Variants in FGF10 observed in about 807,000 individuals in gnomAD.
FGF10 encodes FGF-10.
FGF10 carries 2 observed loss-of-function variants against 19.8 expected under a neutral mutation model. The ratio of observed to expected loss-of-function variants is 0.10; its 90% CI spans 0.04 to 0.32. The LOEUF is 0.32. Ranked by LOEUF, FGF10 falls within the 10% of genes least tolerant of loss-of-function variation. The pLI is 1.00. For synonymous variants in FGF10, 112 were observed against 94.0 expected (o/e 1.19, Z -1.10); for missense variants, 191 against 246.3 (o/e 0.78, Z 1.50).
chr5:44,380,526 T>A (rs1741962588), intron 1 of FGF10, among the ~76,000 whole-genome samples: 1 of 152,186 alleles, frequency 6.6e-6, no homozygotes, highest in Admixed American at 6.5e-5. Flanking sequence ...TTAAAAAGTT[T>A]TATTGAGAAC....
intron 1 of FGF10, among the ~76,000 whole-genome samples, chr5:44,320,869 C>T (rs1280854859): frequency 1.3e-5 from 2 of 152,018 alleles, no homozygotes; most frequent in Non-Finnish European, 2.9e-5. Flanking sequence ...CATGTGCCGC[C>T]ATGCCTGATT....
intron 1 of FGF10, among the ~76,000 whole-genome samples, chr5:44,359,932 C>G (rs1161829442): frequency 6.6e-6 from 1 of 151,536 alleles, no homozygotes. Context: ...AATATGTGAT[C>G]CAGGGTTAGT....
chr5:44,346,230 C>A (rs1283815353), intron 1 of FGF10, among the ~76,000 whole-genome samples: 1 of 151,780 alleles, frequency 6.6e-6, no homozygotes, highest in Non-Finnish European at 1.5e-5. Flanking sequence ...TCCAAAATGT[C>A]TTGACTCTTT....
chr5:44,326,581 T>C (rs1740620609), intron 1 of FGF10, among the ~76,000 whole-genome samples: 2 of 151,604 alleles, frequency 1.3e-5, no homozygotes. Context: ...TTTTTTTTAA[T>C]ATTGTTTGTA....
At chr5:44,385,234 C>T (rs528326624) in intron 1 of FGF10, among the ~76,000 whole-genome samples, 14 of 152,172 alleles carry the variant, frequency 9.2e-5, no homozygotes, top group Admixed American at 7.9e-4. Flanking sequence ...CATATCATGG[C>T]AAAGAAGCAA....
chr5:44,355,059 T>C (rs939309644), intron 1 of FGF10, among the ~76,000 whole-genome samples: 4 of 151,498 alleles, frequency 2.6e-5, no homozygotes, highest in Admixed American at 2.0e-4. Flanking sequence ...AGTCTCTAAA[T>C]TATGTGTGCA....
Position 44,301,972 on chromosome 5 carries a change from C to T in FGF10, c.*3023G>A, listed in dbSNP as rs537439857. On this transcript the variant is annotated 3_prime_UTR_variant, in exon 3 of 3. Coordinates refer to ENST00000264664, the MANE Select transcript of FGF10 (RefSeq NM_004465.2). ...ATTCTATATCTTTATGAGGAGTATTCTCAGAACCAAAACTCAAATGGACAC... is the reference window on the plus strand; with the variant it reads ...ATTCTATATCTTTATGAGGAGTATTTTCAGAACCAAAACTCAAATGGACAC... Among the ~76,000 whole-genome samples, 1 of 152,172 alleles carries T rather than the reference C, an allele frequency of 6.6e-6. No individual in the cohort carries two copies. Among genetic ancestry groups the T allele is most frequent in the East Asian group, 1.9e-4 (1 of 5,176 alleles).
At chr5:44,387,426 T>C (rs974256420) in intron 1 of FGF10, among the ~76,000 whole-genome samples, 3 of 152,166 alleles carry the variant, frequency 2.0e-5, no homozygotes, top group Non-Finnish European at 2.9e-5. Context: ...TGTCACACTG[T>C]GGGATAAAAT....
intron 1 of FGF10, among the ~76,000 whole-genome samples, chr5:44,351,669 T>G (rs1741236691): frequency 6.6e-6 from 1 of 151,682 alleles, no homozygotes; most frequent in Admixed American, 6.6e-5. Flanking sequence ...ACTTCCAGAT[T>G]ACCTGTGACT....
At chr5:44,340,813 G>T (rs1380172974) in intron 1 of FGF10, among the ~76,000 whole-genome samples, 1 of 149,876 alleles carries the variant, frequency 6.7e-6, no homozygotes, top group Non-Finnish European at 1.5e-5. Flanking sequence ...GAATGTATGT[G>T]TTGTCCTTTG....
intron 1 of FGF10, among the ~76,000 whole-genome samples, chr5:44,328,212 A>C (rs1252879061): frequency 1.3e-5 from 2 of 152,172 alleles, no homozygotes; most frequent in African/African-American, 4.8e-5. Context: ...GCTAACTACT[A>C]AACAACGTAA....
At chr5:44,306,064 T>C (rs1740069126) in intron 2 of FGF10, among the ~76,000 whole-genome samples, 1 of 151,922 alleles carries the variant, frequency 6.6e-6, no homozygotes, top group Admixed American at 6.6e-5. Context: ...TACTCTGGAG[T>C]TAATAACAAA....
At position 44,304,855 on chromosome 5, in the gene FGF10, T is replaced by C. The variant is rs1231138696; in HGVS notation, c.*140A>G. ...TATGTCAGCAGTGAATACAAAAACC[T>C]TCAAAGGCTGGCTTTCTTTTAAGCA... On this transcript the variant is annotated 3_prime_UTR_variant, in exon 3 of 3. Transcript: ENST00000264664. The C allele has an allele frequency of 4.9e-6, 4 of 812,004 alleles. No homozygotes were observed. The highest frequency in any genetic ancestry group is 8.4e-6 in the Non-Finnish European group (4 of 478,202). 50.3% of individuals were successfully genotyped at this position (812,004 alleles called of 1,614,324 possible). A position where few individuals can be genotyped will look rare whatever the true frequency, so the allele number is the denominator to read the frequency against.
In FGF10 at chr5:44,325,619, G is replaced by A. The variant is rs1351842318; in HGVS notation, c.326-15089C>T. ...ATGAAGCTGGAAACCATCATTCTCA[G>A]CAAACTATCACAAGGACAAAAAACC... On this transcript the variant is annotated intron_variant, in intron 1 of 2. Transcript: ENST00000264664. Among the ~76,000 whole-genome samples the A allele has an allele frequency of 2.6e-5, 4 of 151,182 alleles. No individual in the cohort carries two copies. In the East Asian group the frequency reaches 5.9e-4, roughly 22 times the overall value.
intron 1 of FGF10, among the ~76,000 whole-genome samples, chr5:44,381,510 A>G (rs1196158069): frequency 6.6e-6 from 1 of 152,084 alleles, no homozygotes; most frequent in African/African-American, 2.4e-5. Context: ...GGTGAAAATA[A>G]TGGAGTGAGG....
chr5:44,316,249 T>A (rs1267151780), intron 1 of FGF10, among the ~76,000 whole-genome samples: 4 of 152,104 alleles, frequency 2.6e-5, no homozygotes, highest in Non-Finnish European at 5.9e-5. Flanking sequence ...GTGTAAAAAA[T>A]TGTCTTCCAC....
Position 44,367,057 on chromosome 5 carries a change from T to G in FGF10, c.325+21301A>C, listed in dbSNP as rs539895040. ...AATAAAATAAATAGTGTTCCTCATATGTGAGAAGGTTAAAAATCTTTGATA... is the reference window on the plus strand; with the variant it reads ...AATAAAATAAATAGTGTTCCTCATAGGTGAGAAGGTTAAAAATCTTTGATA... On this transcript the variant is annotated intron_variant, in intron 1 of 2. Coordinates refer to ENST00000264664, the MANE Select transcript of FGF10 (RefSeq NM_004465.2). Among the ~76,000 whole-genome samples the G allele has an allele frequency of 6.4e-4, 98 of 152,174 alleles. 1 individual carries two copies. Among genetic ancestry groups the G allele is most frequent in the Admixed American group, 3.5e-3 (54 of 15,272 alleles).
At chr5:44,359,874 C>T (rs1741435372) in intron 1 of FGF10, among the ~76,000 whole-genome samples, 1 of 151,462 alleles carries the variant, frequency 6.6e-6, no homozygotes, top group South Asian at 2.1e-4. Context: ...GTCTCATGGT[C>T]TATCATTCTA....
intron 1 of FGF10, among the ~76,000 whole-genome samples, chr5:44,334,133 C>T (rs1350386829): frequency 6.6e-6 from 1 of 152,062 alleles, no homozygotes; most frequent in East Asian, 1.9e-4. Context: ...TCCCAGTTTT[C>T]CACTTCCAGG....
Sources: gnomAD v4.1 joint callset for allele counts (sites outside exome capture counted in the v4.1 genomes callset) on GRCh38, gnomAD v4.1.1 for gene constraint, MANE v1.5 for transcripts, NCBI Gene and HGNC (gene_info 2026-07-23, HGNC 2026-07-21) for gene names.